The following DCBLD2 variants were observed in gnomAD, a reference collection of about 807,000 sequenced individuals.
DCBLD2 encodes discoidin, CUB and LCCL domain-containing protein 2.
A neutral mutation model predicts 86.8 loss-of-function variants in DCBLD2; 54 were observed. That is an observed-to-expected ratio of 0.62 (90% CI 0.50 to 0.78). The LOEUF (loss-of-function observed/expected upper bound fraction) is 0.78. DCBLD2 is among the 30% of genes least tolerant of loss of function. The pLI is 0.00. For synonymous variants in DCBLD2, 354 were observed against 341.3 expected, an observed-to-expected ratio of 1.04 and a Z score of -0.41; for missense variants, 908 against 954.2, an observed-to-expected ratio of 0.95 and a Z score of 0.64.
At chr3:98,866,339 G>A (rs959471434) in intron 2 of DCBLD2, among the ~76,000 whole-genome samples, 2 of 152,146 alleles carry the variant, frequency 1.3e-5, no homozygotes, top group South Asian at 2.1e-4. Context: ...GTGTAAAAGT[G>A]TTCCTATTTC....
intron 3 of DCBLD2, 93 bp from the exon 4 acceptor site, chr3:98,825,459 C>CTTAGGGT: frequency 1.0e-6 from 1 of 995,610 alleles, no homozygotes; most frequent in Non-Finnish European, 1.4e-6. Context: ...CTGTACTACT[C>CTTAGGGT]TAATTTTCAA....
intron 13 of DCBLD2, among the ~76,000 whole-genome samples, chr3:98,802,891 C>A (rs1353158001): frequency 6.6e-6 from 1 of 152,132 alleles, no homozygotes; most frequent in African/African-American, 2.4e-5. Flanking sequence ...GGGCTCTGTT[C>A]TGTTCCATTG....
At position 98,803,576 on chromosome 3, in the gene DCBLD2, A is replaced by G. The variant is rs1321848979; in HGVS notation, c.1671-1927T>C. Among the ~76,000 whole-genome samples, 8 of 152,292 alleles carry G rather than the reference A, an allele frequency of 5.3e-5. No homozygotes were observed. In the East Asian group the frequency reaches 1.4e-3, roughly 26 times the overall value. ...GACTGCCCTGGCCAGAACTTCCAACACTATATTGAATAGGAGTGGTGAGAG... is the reference window on the plus strand; with the variant it reads ...GACTGCCCTGGCCAGAACTTCCAACGCTATATTGAATAGGAGTGGTGAGAG... On this transcript the variant is annotated intron_variant, in intron 13 of 15. Coordinates refer to ENST00000326840, the MANE Select transcript of DCBLD2 (RefSeq NM_080927.4).
chr3:98,822,053 A>G, intron 6 of DCBLD2, 175 bp downstream of exon 6: 1 of 848,986 alleles, frequency 1.2e-6, no homozygotes, highest in East Asian at 2.6e-5. Flanking sequence ...TCTCAAACAA[A>G]ACAAAACAAA....
intron 1 of DCBLD2, among the ~76,000 whole-genome samples, chr3:98,884,730 G>A (rs975548876): frequency 2.0e-5 from 3 of 151,976 alleles, no homozygotes; most frequent in African/African-American, 7.2e-5. Flanking sequence ...ATAAATGCAC[G>A]TTCTTTAGTA....
rs1324135840 is a variant in DCBLD2, at chr3:98,799,792, TC to T, written c.1907del (p.Arg636AsnfsTer17). On this transcript the variant is annotated frameshift_variant, in exon 16 of 16. Transcript: ENST00000326840. LOFTEE classifies it high-confidence loss of function. The part of the protein sequence containing the change: ...VGGIVGTLHQ[R>X]STFKPEEGKE... ...TTCCTTCTTCTGGTTTAAAGGTAGA[TC>T]TTTGATGAAGTGTACCAACAATTCC... The T allele has an allele frequency of 6.2e-6, 10 of 1,613,728 alleles. No individual in the cohort carries two copies. The highest frequency in any genetic ancestry group is 6.8e-6 in the Non-Finnish European group (8 of 1,179,834).
chr3:98,898,868 T>TTAATTTATCAACTTAG (rs1943796097), intron 1 of DCBLD2, among the ~76,000 whole-genome samples: 1 of 152,200 alleles, frequency 6.6e-6, no homozygotes, highest in Non-Finnish European at 1.5e-5. Context: ...TAATTAGCTC[T>TTAATTTATCAACTTAG]TAATTTATCA....
At chr3:98,836,942 C>A (rs1291108910) in intron 3 of DCBLD2, among the ~76,000 whole-genome samples, 3 of 87,034 alleles carry the variant, frequency 3.4e-5, no homozygotes, top group Non-Finnish European at 7.2e-5. Context: ...ACCTCCCTCC[C>A]GGACGGGGCG....
intron 1 of DCBLD2, among the ~76,000 whole-genome samples, chr3:98,887,964 A>G (rs1251697576): frequency 6.6e-6 from 1 of 151,906 alleles, no homozygotes; most frequent in Non-Finnish European, 1.5e-5. Flanking sequence ...TGCCCTAAAA[A>G]TCCCATGTTC....
chr3:98,871,159 T>TCA (rs1240294018), intron 2 of DCBLD2, among the ~76,000 whole-genome samples: 1 of 152,128 alleles, frequency 6.6e-6, no homozygotes, highest in African/African-American at 2.4e-5. Flanking sequence ...CTTTACAGAT[T>TCA]CATTTATCCA....
chr3:98,892,863 A>G (rs1943686575), intron 1 of DCBLD2, among the ~76,000 whole-genome samples: 1 of 152,182 alleles, frequency 6.6e-6, no homozygotes, highest in South Asian at 2.1e-4. Context: ...TATATCAGGA[A>G]AGAAGAGATA....
intron 2 of DCBLD2, among the ~76,000 whole-genome samples, chr3:98,870,737 AAAAG>A (rs199615171): frequency 0.086 from 6,011 of 69,570 alleles, 86 homozygotes; most frequent in Admixed American, 0.12. Flanking sequence ...AAAAGAAAGA[AAAAG>A]AAAGAAAGAA....
chr3:98,799,907 G>A, intron 15 of DCBLD2, 66 bp from the exon 16 acceptor site: 1 of 1,342,210 alleles, frequency 7.5e-7, no homozygotes, highest in Non-Finnish European at 1.0e-6. Context: ...ATTTAGGGTG[G>A]CAGCTGCAGA....
rs1419619441 is a variant in DCBLD2 at position 98,844,975 on chromosome 3, T to C, written c.571+4486A>G. On this transcript the variant is annotated intron_variant, in intron 3 of 15. Transcript: ENST00000326840. Reference sequence around the variant, plus strand: ...ATGTGGTTGTTTGTATAAGGAAGTATTTAGTGGCTGCTTCTGTGGAACAGT... The same window carrying C: ...ATGTGGTTGTTTGTATAAGGAAGTACTTAGTGGCTGCTTCTGTGGAACAGT... Among the ~76,000 whole-genome samples, 3 of 152,206 alleles carry C rather than the reference T, an allele frequency of 2.0e-5. No individual in the cohort carries two copies. The South Asian group carries it at 6.2e-4, about 32-fold the overall frequency.
intron 11 of DCBLD2, 44 bp downstream of exon 11, chr3:98,811,424 T>G (rs763899694): frequency 6.2e-7 from 1 of 1,612,698 alleles, no homozygotes. Context: ...AGTTGCACCA[T>G]AAATCCAAGG....
At chr3:98,806,927 T>C (rs1486909062) in intron 13 of DCBLD2, among the ~76,000 whole-genome samples, 1 of 152,138 alleles carries the variant, frequency 6.6e-6, no homozygotes, top group Non-Finnish European at 1.5e-5. Context: ...CAGTGTGTTA[T>C]GTGCCTGCCT....
intron 3 of DCBLD2, among the ~76,000 whole-genome samples, chr3:98,830,927 TA>T (rs1234881731): frequency 2.0e-5 from 3 of 152,246 alleles, no homozygotes; most frequent in Admixed American, 6.5e-5. Flanking sequence ...CTGTGTTTTG[TA>T]ATTCCTGTTG....
At chr3:98,824,967 T>C (rs1942189692) in intron 4 of DCBLD2, among the ~76,000 whole-genome samples, 1 of 151,888 alleles carries the variant, frequency 6.6e-6, no homozygotes, top group Non-Finnish European at 1.5e-5. Context: ...CAGAATTCTA[T>C]AACAGCCAAA....
intron 6 of DCBLD2, among the ~76,000 whole-genome samples, chr3:98,821,418 A>AC (rs1313854557): frequency 5.9e-5 from 9 of 152,352 alleles, no homozygotes; most frequent in African/African-American, 2.2e-4. Context: ...AAACAGTAGA[A>AC]CACTATAGTT....
Sources: allele counts gnomAD v4.1 joint callset (sites outside exome capture counted in the v4.1 genomes callset), GRCh38; gene constraint gnomAD v4.1.1; transcripts MANE v1.5; gene names NCBI Gene and HGNC (gene_info 2026-07-23, HGNC 2026-07-21).